Variants in EXD3 observed in about 807,000 individuals in gnomAD.
The protein encoded by EXD3 is exonuclease mut-7 homolog.
A neutral mutation model predicts 98.0 loss-of-function variants in EXD3; 92 were observed. The observed-to-expected ratio is 0.94, with a 90% CI of 0.79 to 1.12. EXD3 has a LOEUF of 1.12. EXD3 is among the 50% of genes most tolerant of loss of function. EXD3 has a pLI of 0.00. For synonymous variants in EXD3, 569 were observed against 526.0 expected (o/e 1.08, Z -1.12); for missense variants, 1,222 against 1,191.6 (o/e 1.03, Z -0.38).
rs548630919 is a variant in EXD3 at position 137,323,964 on chromosome 9, G to C, written c.2053-108C>G. On this transcript the variant is annotated intron_variant, in intron 18 of 21. Coordinates refer to ENST00000340951, the MANE Select transcript of EXD3 (RefSeq NM_017820.5). The stretch of plus-strand genomic sequence containing the variant: ...GCAGGAGCCTTCTCTCGGCCCACCA[G>C]GGGTACGGCAGAGGCGCTGGGGGTC... 2.0e-6 allele frequency: 3 copies of C among 1,527,328 alleles called. No individual in the cohort carries two copies. The African/African-American group carries it at 4.1e-5, about 21-fold the overall frequency. 94.6% of individuals were successfully genotyped at this position (1,527,328 alleles called of 1,614,324 possible).
intron 17 of EXD3, among the ~76,000 whole-genome samples, chr9:137,325,719 C>T (rs1832363227): frequency 6.6e-6 from 1 of 152,164 alleles, no homozygotes; most frequent in Admixed American, 6.5e-5. Context: ...AGGTGTGAGC[C>T]ACCGCACCCG....
chr9:137,330,529 AG>A (rs548024701), intron 17 of EXD3, among the ~76,000 whole-genome samples: 1 of 133,078 alleles, frequency 7.5e-6, no homozygotes, highest in Non-Finnish European at 1.6e-5. Flanking sequence ...ACCACACAGG[AG>A]CTATACAGGA....
At chr9:137,360,463 C>CTTTTTT (rs398113954) in intron 7 of EXD3, among the ~76,000 whole-genome samples, 2 of 59,386 alleles carry the variant, frequency 3.4e-5, no homozygotes, top group African/African-American at 1.0e-4. Flanking sequence ...TTTTCTTCTT[C>CTTTTTT]TTTTTTTTTT....
At position 137,385,452 on chromosome 9, in the gene EXD3, G is replaced by A. The variant is rs1836541832; in HGVS notation, c.56-2075C>T. ...TGCTGTGGTGTGTTCACGATCATGTGCCGAGCCGCATCATGTGCTCTGCGT... is the reference window on the plus strand; with the variant it reads ...TGCTGTGGTGTGTTCACGATCATGTACCGAGCCGCATCATGTGCTCTGCGT... On this transcript the variant is annotated intron_variant, in intron 2 of 21. Transcript: ENST00000340951. This position sits in a 1 kb window ranked among gnomAD's most constrained non-coding sequence, Gnocchi z 4.4. 6.6e-6 allele frequency among the ~76,000 whole-genome samples: 1 copy of A among 152,218 alleles called. No homozygotes were observed. Among genetic ancestry groups the A allele is most frequent in the Non-Finnish European group, 1.5e-5 (1 of 68,048 alleles).
At chr9:137,332,558 T>C (rs530956443) in intron 17 of EXD3, among the ~76,000 whole-genome samples, 2 of 141,018 alleles carry the variant, frequency 1.4e-5, no homozygotes, top group African/African-American at 5.4e-5. Flanking sequence ...GGGTACATGG[T>C]ATTGGCCAGG....
intron 20 of EXD3, 49 bp from the exon 21 acceptor site, chr9:137,307,695 C>T (rs1288843706): frequency 3.1e-6 from 5 of 1,599,336 alleles, no homozygotes; most frequent in Non-Finnish European, 2.6e-6. Context: ...AGGGATGGGG[C>T]TTGGCAGCCA....
At chr9:137,355,508 G>A (rs1588336008) in intron 8 of EXD3, among the ~76,000 whole-genome samples, 1 of 140,946 alleles carries the variant, frequency 7.1e-6, no homozygotes, top group Admixed American at 6.8e-5. Flanking sequence ...AAGGAGGAAG[G>A]AGGAAGGAGG....
Position 137,352,178 on chromosome 9 carries a change from A to C in EXD3, c.1061T>G (p.Leu354Arg). Residue 354 changes from leucine (L) to arginine (R), a missense_variant, in exon 12 of 22, where the codon CTG (leucine) becomes CGG (arginine). Coordinates refer to ENST00000340951, the MANE Select transcript of EXD3 (RefSeq NM_017820.5). ...QGRATEADSRLEVKDMKDRYY... is the reference protein window; with the variant it reads ...QGRATEADSRREVKDMKDRYY... ...ACGGTCCTTCATGTCCTTCACCTCC[A>C]GCCTCGAGTCAGCCTCAGTCGCCCT... 2 of 1,612,710 alleles carry C rather than the reference A, an allele frequency of 1.2e-6. No homozygotes were observed. Among genetic ancestry groups the C allele is most frequent in the Non-Finnish European group, 1.7e-6 (2 of 1,179,734 alleles).
chr9:137,330,275 GAACTACACAGGA>G (rs1832961612), intron 17 of EXD3, among the ~76,000 whole-genome samples: 1 of 134,150 alleles, frequency 7.5e-6, no homozygotes, highest in Non-Finnish European at 1.6e-5. Flanking sequence ...AGCTACACAG[GAACTACACAGGA>G]ACTACACAGG....
intron 3 of EXD3, among the ~76,000 whole-genome samples, chr9:137,378,926 G>A (rs1162142109): frequency 4.8e-5 from 7 of 147,016 alleles, no homozygotes; most frequent in African/African-American, 1.8e-4. Flanking sequence ...TGGGGCATCT[G>A]TGTGAGGGGT....
In EXD3 at chr9:137,349,460, C is replaced by T. The variant is rs1834136576; in HGVS notation, c.1566G>A (p.Val522=). The T allele has an allele frequency of 6.2e-7, 1 of 1,603,438 alleles. No individual in the cohort carries two copies. The highest frequency in any genetic ancestry group is 8.5e-7 in the Non-Finnish European group (1 of 1,178,024). The change falls in exon 15 of 22, where the codon GTG becomes GTA. Residue 522 remains valine, a synonymous_variant. Transcript: ENST00000340951. The surrounding 1 kb of genome is among the most constrained non-coding windows in gnomAD (Gnocchi z 7.4). ...CCAGGGCTGTGCCCAGCACCTGCTG[C>T]ACCAGGAGGCTCAGGCCCCTCAGCT... ...ARELRGLSLL[V]QQVLGTALDK...
At chr9:137,417,750 A>G (rs905093946) in intron 1 of EXD3, among the ~76,000 whole-genome samples, 1 of 151,928 alleles carries the variant, frequency 6.6e-6, no homozygotes, top group African/African-American at 2.4e-5. Context: ...CGCCCCGGGC[A>G]CACCGGCCAC....
intron 2 of EXD3, among the ~76,000 whole-genome samples, chr9:137,390,022 T>C (rs1836811001): frequency 7.1e-6 from 1 of 141,228 alleles, no homozygotes; most frequent in African/African-American, 2.7e-5. Flanking sequence ...CTCAGGAAGC[T>C]GAGGCAGGAG....
At chr9:137,326,223 T>C (rs893568168) in intron 17 of EXD3, among the ~76,000 whole-genome samples, 3 of 152,016 alleles carry the variant, frequency 2.0e-5, no homozygotes, top group African/African-American at 4.8e-5. Flanking sequence ...TACAGTGAAA[T>C]GTACACGTAG....
At chr9:137,308,049 G>GGGCCCAGGGACTGCCA in intron 20 of EXD3, among the ~76,000 whole-genome samples, 1 of 152,090 alleles carries the variant, frequency 6.6e-6, no homozygotes, top group Non-Finnish European at 1.5e-5. Context: ...CGGGTGGGCA[G>GGGCCCAGGGACTGCCA]GGCCCAGGGA....
At chr9:137,367,593 T>C (rs1835331698) in intron 6 of EXD3, 3 of 270,100 alleles carry the variant, frequency 1.1e-5, no homozygotes, top group Non-Finnish European at 2.1e-5. Flanking sequence ...GGTGGAGGCG[T>C]GCAGCAGAGG....
Position 137,374,765 on chromosome 9 carries a change from TG to T in EXD3, c.121-1167del, listed in dbSNP as rs946676826. 3 of 985,362 alleles carry T rather than the reference TG, an allele frequency of 3.0e-6. No individual in the cohort carries two copies. In the African/African-American group the frequency reaches 5.2e-5, roughly 17 times the overall value. The allele number at this position is 985,362 out of a possible 1,614,324, so 61.0% of individuals were successfully genotyped here. A position where few individuals can be genotyped will look rare whatever the true frequency, so the allele number is the denominator to read the frequency against. On this transcript the variant is annotated intron_variant, in intron 3 of 21. Coordinates refer to ENST00000340951, the MANE Select transcript of EXD3 (RefSeq NM_017820.5). ...GCAGCTTCTCTGTCCCTCGGGACTC[TG>T]GGAAGAAAAGGAAAGCCGCCCTTAA...
rs551705546 is a variant in EXD3, at chr9:137,349,247, C to A, written c.1693G>T (p.Ala565Ser). ...AAGCGGGCGGGCTCTCTGCACAGGG[C>A]TTGGTGCACCTCCAGCAGGCAGTAG... ...DAYCLLEVHQALCREPARFHL... is the reference protein window; with the variant it reads ...DAYCLLEVHQSLCREPARFHL... The change falls in exon 16 of 22, where the codon GCC becomes TCC. Residue 565 changes from alanine (A) to serine (S), a missense_variant. Physicochemically the swap from Ala to Ser is moderately conservative, Grantham distance 99. Transcript: ENST00000340951. The surrounding 1 kb of genome is among the most constrained non-coding windows in gnomAD (Gnocchi z 7.4). 41 of 1,573,700 alleles carry A rather than the reference C, an allele frequency of 2.6e-5. No homozygotes were observed. The East Asian group carries it at 9.0e-4, about 35-fold the overall frequency.
At chr9:137,400,098 C>A (rs992355905) in intron 1 of EXD3, among the ~76,000 whole-genome samples, 1 of 151,556 alleles carries the variant, frequency 6.6e-6, no homozygotes, top group East Asian at 1.9e-4. Context: ...CCCGTCAGAT[C>A]TCATGAGACT....
Sources: allele counts gnomAD v4.1 joint callset (sites outside exome capture counted in the v4.1 genomes callset), GRCh38; gene constraint gnomAD v4.1.1; non-coding constraint Gnocchi (gnomAD v3.1); transcripts MANE v1.5; gene names NCBI Gene and HGNC (gene_info 2026-07-23, HGNC 2026-07-21).